The following ERBB4 variants were observed in gnomAD, a reference collection of about 807,000 sequenced individuals.
The protein encoded by ERBB4 is receptor tyrosine-protein kinase erbB-4.
Under a neutral mutation model 158.0 loss-of-function variants are expected in ERBB4, and 42 were observed. The observed-to-expected ratio is 0.27, with a 90% CI of 0.21 to 0.34. The LOEUF (loss-of-function observed/expected upper bound fraction) is 0.34. Among genes scored for constraint, ERBB4 ranks in the 10% least tolerant of loss-of-function variants. The probability of loss-of-function intolerance (pLI) is 1.00; values close to 1 mark genes in which losing one functional copy is unlikely to be tolerated. For missense variants in ERBB4, 1,333 were observed against 1,624.1 expected, an observed-to-expected ratio of 0.82 and a Z score of 3.08; for synonymous variants, 583 against 558.7, an observed-to-expected ratio of 1.04 and a Z score of -0.61.
At chr2:212,375,438 C>A (rs1574801639) in intron 1 of ERBB4, among the ~76,000 whole-genome samples, 1 of 152,172 alleles carries the variant, frequency 6.6e-6, no homozygotes, top group East Asian at 1.9e-4. Context: ...TGTAATGCAA[C>A]AATTCTACCA....
intron 25 of ERBB4, among the ~76,000 whole-genome samples, chr2:211,405,390 A>G (rs756638775): frequency 2.0e-5 from 3 of 152,132 alleles, no homozygotes; most frequent in African/African-American, 4.8e-5. Context: ...CTTAAATTTT[A>G]TCATGCCAAA....
chr2:211,931,563 T>C (rs957943257), intron 3 of ERBB4, among the ~76,000 whole-genome samples: 2 of 151,868 alleles, frequency 1.3e-5, no homozygotes, highest in Non-Finnish European at 2.9e-5. Flanking sequence ...CATTTTGCCT[T>C]AGAACTTTTC....
At chr2:211,503,958 C>T (rs920654161) in intron 20 of ERBB4, among the ~76,000 whole-genome samples, 6 of 152,130 alleles carry the variant, frequency 3.9e-5, no homozygotes, top group Admixed American at 1.3e-4. Flanking sequence ...TAACCTGGAA[C>T]ATCCTGGAGC....
intron 25 of ERBB4, among the ~76,000 whole-genome samples, chr2:211,406,367 T>C (rs1405153804): frequency 6.6e-6 from 1 of 152,218 alleles, no homozygotes; most frequent in Non-Finnish European, 1.5e-5. Flanking sequence ...GCTACTTGCC[T>C]GAATTAATCA....
At chr2:211,788,225 A>C in intron 3 of ERBB4, 66 bp from the exon 4 acceptor site, 1 of 1,207,358 alleles carries the variant, frequency 8.3e-7, no homozygotes, top group Non-Finnish European at 1.2e-6. Context: ...GTAATCAACA[A>C]AAGTGATTTG....
At chr2:212,011,325 T>C (rs2076381017) in intron 2 of ERBB4, among the ~76,000 whole-genome samples, 1 of 152,190 alleles carries the variant, frequency 6.6e-6, no homozygotes, top group African/African-American at 2.4e-5. Flanking sequence ...TAAATGAATT[T>C]AAAATTTTAT....
At chr2:211,705,946 G>C (rs2073423174) in intron 9 of ERBB4, among the ~76,000 whole-genome samples, 4 of 151,966 alleles carry the variant, frequency 2.6e-5, no homozygotes, top group Admixed American at 2.6e-4. Flanking sequence ...TCTTCATACA[G>C]ATTACTTAGA....
At chr2:211,719,165 T>C (rs1471880525) in intron 7 of ERBB4, among the ~76,000 whole-genome samples, 1 of 152,244 alleles carries the variant, frequency 6.6e-6, no homozygotes, top group Non-Finnish European at 1.5e-5. Context: ...TCATGTCTTC[T>C]GTAGATAACT....
chr2:212,204,887 C>T (rs552694755), intron 1 of ERBB4, among the ~76,000 whole-genome samples: 12 of 143,846 alleles, frequency 8.3e-5, no homozygotes, highest in East Asian at 2.1e-4. Flanking sequence ...GGCATGATCT[C>T]GGCTCACCAC....
intron 1 of ERBB4, among the ~76,000 whole-genome samples, chr2:212,186,305 T>A (rs2082015602): frequency 6.6e-6 from 1 of 152,174 alleles, no homozygotes; most frequent in Non-Finnish European, 1.5e-5. Context: ...TAATGATGTG[T>A]GTGCCTACAA....
intron 1 of ERBB4, among the ~76,000 whole-genome samples, chr2:212,485,715 TTTA>T (rs989783892): frequency 1.3e-5 from 2 of 151,878 alleles, no homozygotes; most frequent in African/African-American, 4.8e-5. Flanking sequence ...AACAAATAAG[TTTA>T]TTATTATTTC....
chr2:212,291,936 G>A (rs1439860930), intron 1 of ERBB4, among the ~76,000 whole-genome samples: 1 of 151,916 alleles, frequency 6.6e-6, no homozygotes, highest in Non-Finnish European at 1.5e-5. Context: ...TTTGTAGTTT[G>A]TGGACTGTTA....
At chr2:212,053,286 C>T (rs2077454100) in intron 2 of ERBB4, among the ~76,000 whole-genome samples, 1 of 152,160 alleles carries the variant, frequency 6.6e-6, no homozygotes, top group Non-Finnish European at 1.5e-5. Context: ...ACATAGTTTT[C>T]CAAATAATAA....
chr2:212,218,402 T>C (rs1337341646), intron 1 of ERBB4, among the ~76,000 whole-genome samples: 1 of 151,348 alleles, frequency 6.6e-6, no homozygotes. Context: ...ATTCATCCCT[T>C]TGTTTTGTCT....
In ERBB4 at chr2:211,788,139, A is replaced by G. The variant is rs1341604623; in HGVS notation, c.442T>C (p.Tyr148His). Residue 148 changes from tyrosine to histidine, a missense_variant, in exon 4 of 28, where the codon TAT (tyrosine) becomes CAT (histidine). Transcript: ENST00000342788. ...NLTEILNGGV[Y>H]VDQNKFLCYA... is the part of the protein sequence containing the mutation. Reference sequence around the variant, plus strand: ...CAAAGGAATTTGTTCTGGTCTACATAGACTCCACCATTTAGGATTTCTGTA... The same window carrying G: ...CAAAGGAATTTGTTCTGGTCTACATGGACTCCACCATTTAGGATTTCTGTA... 1 of 1,612,496 alleles carries G rather than the reference A, an allele frequency of 6.2e-7. No homozygotes were observed. Among genetic ancestry groups the G allele is most frequent in the Non-Finnish European group, 8.5e-7 (1 of 1,178,714 alleles).
chr2:211,462,200 G>C (rs2064552619), intron 20 of ERBB4, among the ~76,000 whole-genome samples: 2 of 151,970 alleles, frequency 1.3e-5, no homozygotes, highest in Non-Finnish European at 1.5e-5. Context: ...CAGAGCAGGA[G>C]AAAGAGGGGC....
At chr2:212,516,414 A>G (rs1209567272) in intron 1 of ERBB4, among the ~76,000 whole-genome samples, 1 of 152,046 alleles carries the variant, frequency 6.6e-6, no homozygotes, top group Admixed American at 6.6e-5. Context: ...TTCTTTGGGC[A>G]GTAGAAAAAT....
intron 20 of ERBB4, among the ~76,000 whole-genome samples, chr2:211,460,629 T>G (rs2064506511): frequency 1.3e-5 from 2 of 152,166 alleles, no homozygotes; most frequent in African/African-American, 4.8e-5. Flanking sequence ...CGAGCTTGTG[T>G]TTTGTATTAC....
At chr2:212,439,001 G>C (rs1296695309) in intron 1 of ERBB4, among the ~76,000 whole-genome samples, 1 of 152,122 alleles carries the variant, frequency 6.6e-6, no homozygotes, top group East Asian at 1.9e-4. Context: ...AATAAATTGT[G>C]TTAGAAAAAC....
Sources: gnomAD v4.1 joint callset for allele counts (sites outside exome capture counted in the v4.1 genomes callset) on GRCh38, gnomAD v4.1.1 for gene constraint, MANE v1.5 for transcripts, NCBI Gene and HGNC (gene_info 2026-07-23, HGNC 2026-07-21) for gene names.